The following CEP192 variants were observed in gnomAD, a reference collection of about 807,000 sequenced individuals.
CEP192 encodes centrosomal protein 192.
In CEP192, 151 loss-of-function variants were observed where a neutral mutation model predicts 271.8. The ratio of observed to expected loss-of-function variants is 0.56; its 90% CI spans 0.49 to 0.64. The LOEUF (loss-of-function observed/expected upper bound fraction) is 0.64, where lower values mean the gene tolerates loss of function less well. Among genes scored for constraint, CEP192 ranks in the 30% least tolerant of loss-of-function variants. The pLI is 0.00. For missense variants in CEP192, 2,910 were observed against 3,020.5 expected, an observed-to-expected ratio of 0.96 and a Z score of 0.86; for synonymous variants, 995 against 1,076.5, an observed-to-expected ratio of 0.92 and a Z score of 1.48.
intron 39 of CEP192, chr18:13,104,095 G>T: frequency 3.2e-6 from 1 of 313,804 alleles, no homozygotes; most frequent in Non-Finnish European, 6.3e-6. Context: ...TCAAATTAGA[G>T]AATATGTGTG....
chr18:13,037,790 A>G (rs1421117578), intron 12 of CEP192, among the ~76,000 whole-genome samples: 1 of 152,116 alleles, frequency 6.6e-6, no homozygotes, highest in Non-Finnish European at 1.5e-5. Context: ...CCTGGGTTCA[A>G]GCAATCCTTC....
At chr18:13,040,764 A>G (rs2036158019) in intron 13 of CEP192, 66 bp from the exon 14 acceptor site, 6 of 1,324,278 alleles carry the variant, frequency 4.5e-6, no homozygotes, top group Non-Finnish European at 6.3e-6. Context: ...TATTAGATAA[A>G]ACAGTCTAGA....
Position 13,030,558 on chromosome 18 carries a change from A to G in CEP192, c.1484A>G (p.Asn495Ser). The change falls in exon 11 of 45, where the codon AAT (asparagine) becomes AGT (serine). Residue 495 changes from asparagine (N) to serine (S), a missense_variant. Asn to Ser is a conservative substitution (Grantham distance 46). Coordinates refer to ENST00000506447, the MANE Select transcript of CEP192 (RefSeq NM_032142.4). ...AYYTSFNSKQNLNVSLSDEMN... is the reference protein window; with the variant it reads ...AYYTSFNSKQSLNVSLSDEMN... Reference sequence around the variant, plus strand: ...TACACATCTTTTAATAGCAAACAAAATTTAAATGTGTCTCTAAGTGATGAG... The same window carrying G: ...TACACATCTTTTAATAGCAAACAAAGTTTAAATGTGTCTCTAAGTGATGAG... 6.2e-7 allele frequency: 1 copy of G among 1,612,404 alleles called. No individual in the cohort carries two copies. The highest frequency in any genetic ancestry group is 1.1e-5 in the South Asian group (1 of 91,022).
At chr18:13,080,065 A>G (rs2038509108) in intron 30 of CEP192, among the ~76,000 whole-genome samples, 1 of 152,212 alleles carries the variant, frequency 6.6e-6, no homozygotes, top group Non-Finnish European at 1.5e-5. Context: ...GAAGTCAGGT[A>G]GCATGATGCC....
chr18:13,031,780 C>G (rs771067590), intron 11 of CEP192, among the ~76,000 whole-genome samples: 3 of 152,090 alleles, frequency 2.0e-5, no homozygotes, highest in African/African-American at 7.2e-5. Context: ...AGAGAAGAAA[C>G]AAATGTTGCA....
At chr18:13,050,279 A>C (rs1483405997) in intron 17 of CEP192, among the ~76,000 whole-genome samples, 1 of 152,224 alleles carries the variant, frequency 6.6e-6, no homozygotes, top group Non-Finnish European at 1.5e-5. Context: ...AAGATCTTTA[A>C]TATGTTTATT....
chr18:13,121,468 G>C (rs2040656175), intron 44 of CEP192, among the ~76,000 whole-genome samples: 1 of 152,206 alleles, frequency 6.6e-6, no homozygotes, highest in Non-Finnish European at 1.5e-5. Flanking sequence ...GGAGGCAGAA[G>C]AGTTCCCCCA....
chr18:13,101,661 C>CT (rs1242629491), intron 38 of CEP192, among the ~76,000 whole-genome samples: 1 of 152,128 alleles, frequency 6.6e-6, no homozygotes, highest in African/African-American at 2.4e-5. Context: ...TATCCCCAGC[C>CT]TCAGCCTCCT....
At chr18:12,997,087 G>C (rs1369037837) in intron 1 of CEP192, among the ~76,000 whole-genome samples, 3 of 152,240 alleles carry the variant, frequency 2.0e-5, no homozygotes, top group African/African-American at 4.8e-5. Flanking sequence ...ACAGACAGAA[G>C]ACTCGATCAT....
Position 13,057,712 on chromosome 18 carries a change from C to T in CEP192, c.4236C>T (p.Ser1412=). Residue 1412 remains serine (S), a synonymous_variant, in exon 20 of 45, where the codon AGC becomes AGT. Transcript: ENST00000506447. The part of the protein sequence containing the change: ...RWLQVSIGVL[S]ISVNGEKVDL... ...TGCAAGTCAGCATTGGGGTCCTCAG[C>T]ATTAGTGTTAATGGTGAAAAGGTAG... The T allele has an allele frequency of 1.2e-6, 2 of 1,614,012 alleles. No individual in the cohort carries two copies. Among genetic ancestry groups the T allele is most frequent in the Non-Finnish European group, 8.5e-7 (1 of 1,179,968 alleles).
intron 30 of CEP192, among the ~76,000 whole-genome samples, chr18:13,078,644 T>A (rs1267694335): frequency 6.6e-6 from 1 of 152,146 alleles, no homozygotes. Context: ...TTGTTGTTGT[T>A]GTTGTTATAC....
intron 11 of CEP192, among the ~76,000 whole-genome samples, chr18:13,035,410 G>A (rs1309453888): frequency 6.6e-6 from 1 of 152,100 alleles, no homozygotes; most frequent in Admixed American, 6.5e-5. Context: ...CTTACATGGC[G>A]GCAGCAAGAG....
chr18:13,103,614 A>C (rs2039818893), intron 39 of CEP192, 26 bp downstream of exon 39: 1 of 1,527,922 alleles, frequency 6.5e-7, no homozygotes, highest in African/African-American at 1.4e-5. Flanking sequence ...CTCAGATATA[A>C]TCGTTTTAAT....
intron 30 of CEP192, among the ~76,000 whole-genome samples, chr18:13,077,012 A>G (rs1047103587): frequency 6.6e-6 from 1 of 151,938 alleles, no homozygotes; most frequent in Non-Finnish European, 1.5e-5. Flanking sequence ...CAAACTCCTG[A>G]CCTCAAGTAA....
intron 21 of CEP192, among the ~76,000 whole-genome samples, chr18:13,065,220 A>T (rs889304457): frequency 1.6e-4 from 24 of 151,926 alleles, no homozygotes; most frequent in Admixed American, 1.0e-3. Context: ...AACAATACAT[A>T]TACCATGTTA....
At chr18:13,015,227 C>T in intron 5 of CEP192, 101 bp from the exon 6 acceptor site, 3 of 1,045,942 alleles carry the variant, frequency 2.9e-6, no homozygotes, top group Non-Finnish European at 4.1e-6. Flanking sequence ...ATACTGAACA[C>T]AGTGGAGGTT....
intron 7 of CEP192, among the ~76,000 whole-genome samples, chr18:13,017,694 A>G (rs1046137397): frequency 6.6e-6 from 1 of 152,212 alleles, no homozygotes; most frequent in African/African-American, 2.4e-5. Flanking sequence ...ATACTTCAGC[A>G]TTTATCTTTT....
In CEP192 at chr18:13,086,951, C is replaced by G. The variant is rs192823758; in HGVS notation, c.5617-66C>G. ...TAAATCTTTCTGAATTTTCTTCTCACTGTAATTCAGTGTTTCGCTTTCTGC... is the reference window on the plus strand; with the variant it reads ...TAAATCTTTCTGAATTTTCTTCTCAGTGTAATTCAGTGTTTCGCTTTCTGC... On this transcript the variant is annotated intron_variant, in intron 30 of 44. Coordinates refer to ENST00000506447, the MANE Select transcript of CEP192 (RefSeq NM_032142.4). The G allele has an allele frequency of 1.3e-3, 1,437 of 1,137,188 alleles. 22 individuals carry two copies. In the African/African-American group the frequency reaches 0.021, roughly 16 times the overall value. 70.4% of individuals were successfully genotyped at this position (1,137,188 alleles called of 1,614,324 possible).
At chr18:13,091,308 T>A (rs771887470) in intron 33 of CEP192, among the ~76,000 whole-genome samples, 6 of 152,188 alleles carry the variant, frequency 3.9e-5, no homozygotes, top group Non-Finnish European at 8.8e-5. Flanking sequence ...CTGTCAAGAT[T>A]GCCCATCTAA....
Sources: allele counts gnomAD v4.1 joint callset (sites outside exome capture counted in the v4.1 genomes callset), GRCh38; gene constraint gnomAD v4.1.1; transcripts MANE v1.5; gene names NCBI Gene and HGNC (gene_info 2026-07-23, HGNC 2026-07-21).